The following PFKP variants were observed in gnomAD, a reference collection of about 807,000 sequenced individuals.
PFKP encodes the protein ATP-dependent 6-phosphofructokinase, platelet type.
A neutral mutation model predicts 94.3 loss-of-function variants in PFKP; 101 were observed. The observed-to-expected ratio is 1.07, with a 90% CI of 0.91 to 1.26. The LOEUF (loss-of-function observed/expected upper bound fraction) is 1.26, where lower values mean the gene tolerates loss of function less well. Ranked by LOEUF, PFKP falls within the 50% of genes most tolerant of loss-of-function variation. The pLI, the probability that PFKP is intolerant of heterozygous loss-of-function variation, is 0.00. For missense variants in PFKP, 1,145 were observed against 1,103.3 expected (o/e 1.04, Z -0.53); for synonymous variants, 573 against 432.6 (o/e 1.32, Z -4.03).
chr10:3,074,902 G>A (rs192080376), intron 1 of PFKP, among the ~76,000 whole-genome samples: 1 of 152,206 alleles, frequency 6.6e-6, no homozygotes, highest in South Asian at 2.1e-4. Flanking sequence ...GAGGTGTGAA[G>A]TGGGAAATCC....
chr10:3,105,541 G>A, intron 7 of PFKP, 40 bp downstream of exon 7: 4 of 1,372,228 alleles, frequency 2.9e-6, no homozygotes, highest in Non-Finnish European at 4.2e-6. Context: ...GGGCGATGCT[G>A]GCTGCATTGC....
At chr10:3,076,949 A>G (rs1832644201) in intron 1 of PFKP, among the ~76,000 whole-genome samples, 1 of 152,156 alleles carries the variant, frequency 6.6e-6, no homozygotes, top group South Asian at 2.1e-4. Context: ...CCATGCCTAC[A>G]TAATCCCTAC....
At chr10:3,082,261 C>T in intron 1 of PFKP, 127 bp from the exon 2 acceptor site, 1 of 582,804 alleles carries the variant, frequency 1.7e-6, no homozygotes, top group Admixed American at 3.0e-5. Flanking sequence ...GTGTGTGTAC[C>T]CATTTCTCAT....
chr10:3,118,712 C>G, intron 14 of PFKP, 70 bp from the exon 15 acceptor site: 1 of 1,074,408 alleles, frequency 9.3e-7, no homozygotes, highest in South Asian at 1.3e-5. Context: ...GGGTGGGGAC[C>G]GGCGTGGCGT....
In PFKP at chr10:3,135,857, C is replaced by G. The variant is rs779521058; in HGVS notation, c.2225+19C>G. 79 of 1,499,292 alleles carry G rather than the reference C, an allele frequency of 5.3e-5. No individual in the cohort carries two copies. Among genetic ancestry groups the G allele is most frequent in the Non-Finnish European group, 7.2e-5 (78 of 1,075,902 alleles). 92.9% of individuals were successfully genotyped at this position (1,499,292 alleles called of 1,614,324 possible). ...ATTTTGAGTAAGTTGGCTGGGTTCC[C>G]TGAGGCAATAAGACCCCAATGTGAG... On this transcript the variant is annotated intron_variant, in intron 21 of 21. Coordinates refer to ENST00000381125, the MANE Select transcript of PFKP (RefSeq NM_002627.5).
intron 20 of PFKP, 44 bp downstream of exon 20, chr10:3,134,626 C>G (rs190021126): frequency 2.4e-6 from 3 of 1,266,908 alleles, no homozygotes; most frequent in African/African-American, 1.5e-5. Context: ...TGATGCAGGC[C>G]GTCCTGCCTT....
At chr10:3,092,793 A>C (rs1462389173) in intron 2 of PFKP, among the ~76,000 whole-genome samples, 1 of 152,246 alleles carries the variant, frequency 6.6e-6, no homozygotes, top group Admixed American at 6.5e-5. Flanking sequence ...TACAATTTTT[A>C]AAGTGAGAAA....
chr10:3,099,924 G>T (rs1834817750), intron 3 of PFKP, among the ~76,000 whole-genome samples: 1 of 151,726 alleles, frequency 6.6e-6, no homozygotes, highest in Non-Finnish European at 1.5e-5. Context: ...TCTGTATGTA[G>T]GTGTGTGAGT....
At chr10:3,119,840 C>A in intron 15 of PFKP, 52 bp from the exon 16 acceptor site, 1 of 1,584,948 alleles carries the variant, frequency 6.3e-7, no homozygotes, top group East Asian at 2.2e-5. Context: ...CAGCGAGACC[C>A]TCTCCTCCCC....
At chr10:3,091,739 T>G (rs891220128) in intron 2 of PFKP, among the ~76,000 whole-genome samples, 2 of 152,252 alleles carry the variant, frequency 1.3e-5, no homozygotes, top group Non-Finnish European at 2.9e-5. Flanking sequence ...TGAACCTAGA[T>G]TGCGCCACTG....
chr10:3,079,519 C>T (rs1832861626), intron 1 of PFKP, among the ~76,000 whole-genome samples: 1 of 152,094 alleles, frequency 6.6e-6, no homozygotes, highest in Non-Finnish European at 1.5e-5. Flanking sequence ...CAGGCGTGAG[C>T]CACCGTGCCC....
rs758697187 is a variant in PFKP at position 3,101,512 on chromosome 10, C to T, written c.412C>T (p.Arg138Trp). 20 of 1,587,606 alleles carry T rather than the reference C, an allele frequency of 1.3e-5. No individual in the cohort carries two copies. Among genetic ancestry groups the T allele is most frequent in the Admixed American group, 8.7e-5 (5 of 57,636 alleles). ...DGSLTGANLF[R>W]KEWSGLLEEL... ...GAGCCTCACCGGGGCCAACCTCTTC[C>T]GGAAGGAGTGGAGTGGGCTGCTGGA... is the stretch of plus-strand genomic sequence containing the variant. Residue 138 changes from arginine to tryptophan, a missense_variant, in exon 4 of 22, where the codon CGG becomes TGG. This residue lies in a region of PFKP where 1,119 missense variants were observed against 1,062.8 expected (regional missense o/e 1.05). Coordinates refer to ENST00000381125, the MANE Select transcript of PFKP (RefSeq NM_002627.5).
intron 2 of PFKP, among the ~76,000 whole-genome samples, chr10:3,084,444 G>A (rs1432423325): frequency 2.0e-5 from 3 of 152,050 alleles, no homozygotes; most frequent in Non-Finnish European, 2.9e-5. Context: ...TTTTTTGTTC[G>A]TGTCATTGTT....
At chr10:3,100,373 G>A (rs1334765936) in intron 3 of PFKP, among the ~76,000 whole-genome samples, 1 of 152,086 alleles carries the variant, frequency 6.6e-6, no homozygotes. Flanking sequence ...CGTGTGGAGT[G>A]AATTTCAGTT....
At position 3,113,363 on chromosome 10, in the gene PFKP, G is replaced by GT. The variant is rs1836452399; in HGVS notation, c.1225-5dup. 2 of 1,579,626 alleles carry GT rather than the reference G, an allele frequency of 1.3e-6. No homozygotes were observed. The highest frequency in any genetic ancestry group is 1.7e-6 in the Non-Finnish European group (2 of 1,159,194). On this transcript the variant is annotated splice_polypyrimidine_tract_variant and intron_variant, in intron 12 of 21. Transcript: ENST00000381125. ...GTGACCCAGCACTCACCTGCCTTCT[G>GT]TTTTGCAGACCAATTGCAACGTAGC...
chr10:3,129,824 C>A lies in PFKP; in HGVS notation c.1689C>A (p.Cys563Ter), dbSNP rs144933994. 1 of 1,613,272 alleles carries A rather than the reference C, an allele frequency of 6.2e-7. No homozygotes were observed. The highest frequency in any genetic ancestry group is 1.3e-5 in the African/African-American group (1 of 74,920). The change falls in exon 17 of 22, where the codon TGC becomes TGA. Residue 563 changes from cysteine to a stop codon, truncating the protein, a stop_gained. Coordinates refer to ENST00000381125, the MANE Select transcript of PFKP (RefSeq NM_002627.5). LOFTEE classifies it high-confidence loss of function. The stretch of plus-strand genomic sequence containing the variant: ...GATCGCTTCTCTGTGACCAGACCTG[C>A]GACCGCATCAAGCAGTCCGCCAGCG... ...DTALNTITDTCDRIKQSASGT... is the reference protein window; with the variant it reads ...DTALNTITDT
Position 3,116,824 on chromosome 10 carries a change from G to A in PFKP, c.1420G>A (p.Gly474Ser), listed in dbSNP as rs377676797. The A allele has an allele frequency of 2.5e-6, 4 of 1,612,890 alleles. No individual in the cohort carries two copies. Among genetic ancestry groups the A allele is most frequent in the Non-Finnish European group, 1.7e-6 (2 of 1,178,826 alleles). ...TGTCGGGGGCTGGACCGGCCAAGGA[G>A]GCTCCATTCTTGGGACAAAACGGTA... Reference protein sequence around the residue: ...TDVGGWTGQGGSILGTKRVLP... With the variant: ...TDVGGWTGQGSSILGTKRVLP... The change falls in exon 14 of 22, where the codon GGC (glycine) becomes AGC (serine). Residue 474 changes from glycine (G) to serine (S), a missense_variant. Gly to Ser is a moderately conservative substitution (Grantham distance 56). Around this residue, in one of 3 missense-constraint regions of PFKP, gnomAD observed 1,119 missense variants for 1,062.8 expected, o/e 1.05. Coordinates refer to ENST00000381125, the MANE Select transcript of PFKP (RefSeq NM_002627.5).
At chr10:3,135,509 AAAC>A (rs1383751245) in intron 20 of PFKP, among the ~76,000 whole-genome samples, 2 of 152,184 alleles carry the variant, frequency 1.3e-5, no homozygotes, top group Non-Finnish European at 1.5e-5. Flanking sequence ...TGGGAGGAAA[AAAC>A]AAAAGCTGCT....
chr10:3,072,880 G>A (rs763865609), intron 1 of PFKP, among the ~76,000 whole-genome samples: 10 of 151,932 alleles, frequency 6.6e-5, no homozygotes, highest in African/African-American at 9.7e-5. Flanking sequence ...ATGGCATTTC[G>A]GCTAAGAAAG....
Sources: allele counts gnomAD v4.1 joint callset (sites outside exome capture counted in the v4.1 genomes callset), GRCh38; gene constraint gnomAD v4.1.1; regional missense constraint gnomAD v4.1.1; transcripts MANE v1.5; gene names NCBI Gene and HGNC (gene_info 2026-07-23, HGNC 2026-07-21).